Variants in VSIG8 observed in about 807,000 individuals in gnomAD.
The protein encoded by VSIG8 is V-set and immunoglobulin domain containing 8, also known as V-set and immunoglobulin domain-containing protein 8.
In VSIG8, 32 loss-of-function variants were observed where a neutral mutation model predicts 42.6. The observed-to-expected ratio is 0.75, with a 90% CI of 0.57 to 1.01. The LOEUF (loss-of-function observed/expected upper bound fraction) is 1.01. VSIG8 is among the 50% of genes least tolerant of loss of function. VSIG8 has a pLI of 0.00. For missense variants in VSIG8, 529 were observed against 558.0 expected, an observed-to-expected ratio of 0.95 and a Z score of 0.52; for synonymous variants, 290 against 243.8, an observed-to-expected ratio of 1.19 and a Z score of -1.77.
intron 1 of VSIG8, 87 bp downstream of exon 1, chr1:159,862,386 C>G: frequency 6.9e-7 from 1 of 1,447,392 alleles, no homozygotes; most frequent in Non-Finnish European, 9.4e-7. Flanking sequence ...ACTCAGGCAG[C>G]CCCAGGCTCC....
At chr1:159,855,256 C>T (rs1340689399) in intron 6 of VSIG8, 1 of 1,551,248 alleles carries the variant, frequency 6.4e-7, no homozygotes, top group Admixed American at 2.0e-5. Flanking sequence ...CAGGGCTTGT[C>T]CACGCGTATC....
At chr1:159,861,573 C>G (rs992394895) in intron 1 of VSIG8, 2 of 152,158 alleles carry the variant, frequency 1.3e-5, no homozygotes, top group Non-Finnish European at 2.9e-5. Flanking sequence ...TGTCATCATT[C>G]CCATGCAGGT....
chr1:159,858,608 T>C (rs1648921168), intron 2 of VSIG8, 126 bp downstream of exon 2: 1 of 1,071,012 alleles, frequency 9.3e-7, no homozygotes, highest in Admixed American at 2.8e-5. Context: ...CTCATCCCCA[T>C]TGCCTCATTC....
At chr1:159,856,760 TACACCCACACCC>T in intron 4 of VSIG8, 117 bp from the exon 5 acceptor site, 1 of 1,312,748 alleles carries the variant, frequency 7.6e-7, no homozygotes, top group Non-Finnish European at 1.0e-6. Flanking sequence ...TGCATGTGTG[TACACCCACACCC>T]ACACACACAC....
intron 1 of VSIG8, 54 bp from the exon 2 acceptor site, chr1:159,858,966 A>T: frequency 6.4e-7 from 1 of 1,566,554 alleles, no homozygotes; most frequent in Non-Finnish European, 8.7e-7. Context: ...GGGCTTCAGG[A>T]GGAGTCAGTG....
intron 4 of VSIG8, among the ~76,000 whole-genome samples, chr1:159,857,055 C>T (rs183755147): frequency 6.6e-6 from 1 of 152,320 alleles, no homozygotes; most frequent in East Asian, 1.9e-4. Context: ...TTACACACCT[C>T]CCCCATTTAA....
At chr1:159,857,699 T>G in intron 4 of VSIG8, 46 bp downstream of exon 4, 1 of 1,548,176 alleles carries the variant, frequency 6.5e-7, no homozygotes, top group Non-Finnish European at 8.9e-7. Context: ...CCAGAGTCCC[T>G]GATCTTCCAC....
chr1:159,858,737 G>C lies in VSIG8; in HGVS notation c.225C>G (p.Asn75Lys). The change falls in exon 2 of 7, where the codon AAC becomes AAG. Residue 75 changes from asparagine (N) to lysine (K), a missense_variant. Transcript: ENST00000368100. ...GACCCCTGTGCCCAGCACTCACCAC[G>C]TTCTCTCGGTGGTGGGCGGGGTCTG... ...VNSDPAHHRENVFLSYQDKRI... is the reference protein window; with the variant it reads ...VNSDPAHHREKVFLSYQDKRI... The C allele has an allele frequency of 1.2e-6, 2 of 1,609,996 alleles. No homozygotes were observed. Among genetic ancestry groups the C allele is most frequent in the Non-Finnish European group, 1.7e-6 (2 of 1,178,128 alleles).
At chr1:159,856,236 G>T in intron 5 of VSIG8, 155 bp from the exon 6 acceptor site, 1 of 803,934 alleles carries the variant, frequency 1.2e-6, no homozygotes, top group South Asian at 1.8e-5. Context: ...GGGAAGATAT[G>T]GGGAGATGCA....
chr1:159,855,208 C>T, intron 6 of VSIG8, 182 bp from the exon 7 acceptor site: 1 of 1,551,624 alleles, frequency 6.4e-7, no homozygotes, highest in Non-Finnish European at 8.7e-7. Flanking sequence ...GTCGGCGACC[C>T]TGCAGCGGTC....
intron 2 of VSIG8, 139 bp from the exon 3 acceptor site, chr1:159,858,430 C>A: frequency 1.1e-6 from 1 of 883,774 alleles, no homozygotes; most frequent in Non-Finnish European, 1.8e-6. Context: ...GATGCCTGAG[C>A]CACTGACCTC....
intron 6 of VSIG8, 188 bp from the exon 7 acceptor site, chr1:159,855,214 C>T (rs72700643): frequency 5.2e-6 from 8 of 1,551,462 alleles, no homozygotes; most frequent in African/African-American, 1.4e-5. Flanking sequence ...GACCCTGCAG[C>T]GGTCCCGGAG....
At position 159,862,606 on chromosome 1, in the gene VSIG8, G is replaced by C. The variant is rs1649060158; in HGVS notation, c.-85C>G. ...GGTGTGAGGGGGTAGGTGGAGGGAG[G>C]GGGAGCTGAGGGCCCAGACACTGCC... On this transcript the variant is annotated 5_prime_UTR_variant, in exon 1 of 7. Transcript: ENST00000368100. The C allele has an allele frequency of 1.6e-6, 2 of 1,246,536 alleles. No homozygotes were observed. Among genetic ancestry groups the C allele is most frequent in the Non-Finnish European group, 2.3e-6 (2 of 872,694 alleles). The allele number at this position is 1,246,536 out of a possible 1,614,324, so 77.2% of individuals were successfully genotyped here.
Position 159,862,479 on chromosome 1 carries a change from T to C in VSIG8, c.43A>G (p.Ser15Gly), listed in dbSNP as rs767666977. ...CCCCTGCCCAGCCCCGTACCTGGGCTCAGGCACACGAGTAGAAGGTGGAAT... is the reference window on the plus strand; with the variant it reads ...CCCCTGCCCAGCCCCGTACCTGGGCCCAGGCACACGAGTAGAAGGTGGAAT... The part of the protein sequence containing the change: ...GAFHLLLVCL[S>G]PALLSAVRIN... The change falls in exon 1 of 7, where the codon AGC (serine) becomes GGC (glycine). Residue 15 changes from serine (S) to glycine (G), a missense_variant. Transcript: ENST00000368100. 6.2e-7 allele frequency: 1 copy of C among 1,612,890 alleles called. No individual in the cohort carries two copies. The highest frequency in any genetic ancestry group is 8.5e-7 in the Non-Finnish European group (1 of 1,179,362).
rs149048421 is a variant in VSIG8 at position 159,858,830 on chromosome 1, G to A, written c.132C>T (p.Cys44=). The A allele has an allele frequency of 6.2e-7, 1 of 1,613,938 alleles. No individual in the cohort carries two copies. The highest frequency in any genetic ancestry group is 8.5e-7 in the Non-Finnish European group (1 of 1,180,018). Residue 44 remains cysteine, a synonymous_variant, in exon 2 of 7, where the codon TGC becomes TGT. Coordinates refer to ENST00000368100, the MANE Select transcript of VSIG8 (RefSeq NM_001013661.1). ...LAEGDNVRLG[C]PYVLDPEDYG... is the part of the protein sequence containing the mutation. ...AGTCCTCAGGGTCCAGGACGTAGGG[G>A]CAGCCCAGCCTCACATTATCACCTT...
At chr1:159,857,719 A>C (rs752716387) in intron 4 of VSIG8, 26 bp downstream of exon 4, 1 of 1,603,860 alleles carries the variant, frequency 6.2e-7, no homozygotes, top group South Asian at 1.1e-5. Flanking sequence ...CTCACCCCCG[A>C]CTGCCCTCAT....
At position 159,854,646 on chromosome 1, in the gene VSIG8, G is replaced by A. The variant is rs1648734540; in HGVS notation, c.*107C>T. The A allele has an allele frequency of 3.0e-6, 4 of 1,347,108 alleles. No homozygotes were observed. The South Asian group carries it at 7.3e-5, about 24-fold the overall frequency. The allele number at this position is 1,347,108 out of a possible 1,614,324, so 83.4% of individuals were successfully genotyped here. ...TGCCTTCACCCCCAGCCGCCTGGCA[G>A]CCTGGGGCGAGCGAGGTCGTCCCCA... On this transcript the variant is annotated 3_prime_UTR_variant, in exon 7 of 7. Coordinates refer to ENST00000368100, the MANE Select transcript of VSIG8 (RefSeq NM_001013661.1).
At chr1:159,860,224 C>G (rs1031199152) in intron 1 of VSIG8, among the ~76,000 whole-genome samples, 1 of 152,210 alleles carries the variant, frequency 6.6e-6, no homozygotes, top group South Asian at 2.1e-4. Context: ...CACAGGCAAA[C>G]AAATCGGCAC....
In VSIG8 at chr1:159,855,980, C is replaced by T. The variant is rs754225537; in HGVS notation, c.874G>A (p.Gly292Arg). 29 of 1,600,594 alleles carry T rather than the reference C, an allele frequency of 1.8e-5. No individual in the cohort carries two copies. The highest frequency in any genetic ancestry group is 2.2e-5 in the Non-Finnish European group (26 of 1,174,146). The change falls in exon 6 of 7, where the codon GGG (glycine) becomes AGG (arginine). Residue 292 changes from glycine (G) to arginine (R), a missense_variant. By Grantham distance (125) the Gly-to-Arg change is moderately radical (BLOSUM62 -2). Transcript: ENST00000368100. ...GIWGLVCCCC[G>R]GSGAGGARGA... is the part of the protein sequence containing the mutation. ...CGGGCGCCGCCAGCCCCGGAGCCCC[C>T]GCAGCAGCAGCAGACGAGCCCCCAG...
Sources: gnomAD v4.1 joint callset for allele counts (sites outside exome capture counted in the v4.1 genomes callset) on GRCh38, gnomAD v4.1.1 for gene constraint, MANE v1.5 for transcripts, NCBI Gene and HGNC (gene_info 2026-07-23, HGNC 2026-07-21) for gene names.